The following L3MBTL3 variants were observed in gnomAD, a reference collection of about 807,000 sequenced individuals.
The protein encoded by L3MBTL3 is lethal(3)malignant brain tumor-like protein 3.
Under a neutral mutation model 102.3 loss-of-function variants are expected in L3MBTL3, and 27 were observed. That is an observed-to-expected ratio of 0.26 (90% CI 0.19 to 0.36). The LOEUF is 0.36. Ranked by LOEUF, L3MBTL3 falls within the 10% of genes least tolerant of loss-of-function variation. The probability of loss-of-function intolerance (pLI) is 1.00; values close to 1 mark genes in which losing one functional copy is unlikely to be tolerated. For missense variants in L3MBTL3, 798 were observed against 955.3 expected, an observed-to-expected ratio of 0.84 and a Z score of 2.17; for synonymous variants, 340 against 320.9, an observed-to-expected ratio of 1.06 and a Z score of -0.64.
At chr6:130,085,343 TTTCTGTTTTAAAGATATC>T (rs1215161729) in intron 15 of L3MBTL3, among the ~76,000 whole-genome samples, 7 of 152,142 alleles carry the variant, frequency 4.6e-5, no homozygotes. Context: ...GATTGCTAAT[TTTCTGTTTTAAAGATATC>T]TTCTGCTTTT....
chr6:130,133,952 C>T lies in L3MBTL3; in HGVS notation c.2199+47C>T. On this transcript the variant is annotated intron_variant, in intron 22 of 22. Transcript: ENST00000361794. The surrounding 1 kb of genome is among the most constrained non-coding windows in gnomAD (Gnocchi z 4.9). ...AATATGTTACTTAATGGGATCAAAGCACTGAAATGCAGTGGAAGGTGAAAT... is the reference window on the plus strand; with the variant it reads ...AATATGTTACTTAATGGGATCAAAGTACTGAAATGCAGTGGAAGGTGAAAT... 7.1e-7 allele frequency: 1 copy of T among 1,414,542 alleles called. No individual in the cohort carries two copies. The highest frequency in any genetic ancestry group is 1.0e-6 in the Non-Finnish European group (1 of 1,001,132). 87.6% of individuals were successfully genotyped at this position (1,414,542 alleles called of 1,614,324 possible).
chr6:130,024,770 T>A lies in L3MBTL3; in HGVS notation c.-16+2465T>A, dbSNP rs144327522. 5.1e-4 allele frequency among the ~76,000 whole-genome samples: 78 copies of A among 152,222 alleles called. No individual in the cohort carries two copies. The East Asian group carries it at 0.011, about 21-fold the overall frequency. On this transcript the variant is annotated intron_variant, in intron 2 of 22. Coordinates refer to ENST00000361794, the MANE Select transcript of L3MBTL3 (RefSeq NM_032438.4). ...AACACTTAAAAGACGAGATCCTTGC[T>A]CTTGAGGAGTTCTAGAGATCCTTAC...
chr6:130,137,196 A>G (rs1787779262), intron 22 of L3MBTL3, among the ~76,000 whole-genome samples: 1 of 152,216 alleles, frequency 6.6e-6, no homozygotes. Context: ...GAGTTAAGGC[A>G]TTGGAAAAGA....
chr6:130,091,380 A>C (rs938188771), intron 16 of L3MBTL3, among the ~76,000 whole-genome samples: 6 of 152,188 alleles, frequency 3.9e-5, no homozygotes, highest in Non-Finnish European at 7.3e-5. Flanking sequence ...AGTTGATATA[A>C]CTGGCAAAGT....
intron 16 of L3MBTL3, among the ~76,000 whole-genome samples, chr6:130,086,641 A>G (rs1348720860): frequency 6.6e-6 from 1 of 152,210 alleles, no homozygotes; most frequent in African/African-American, 2.4e-5. Flanking sequence ...CTATCTCAAT[A>G]TAGGCCAAGT....
At chr6:130,135,526 T>C (rs12526192) in intron 22 of L3MBTL3, among the ~76,000 whole-genome samples, 19,732 of 152,224 alleles carry the variant, frequency 0.13, 2,168 homozygotes, top group African/African-American at 0.29. Flanking sequence ...TATTCTGTTG[T>C]TATCTAGATA....
chr6:130,021,491 C>T (rs1196610694), intron 1 of L3MBTL3, among the ~76,000 whole-genome samples: 1 of 152,200 alleles, frequency 6.6e-6, no homozygotes, highest in Non-Finnish European at 1.5e-5. Flanking sequence ...TGATCGCTCC[C>T]TGAATTGGAA....
At chr6:130,023,472 T>C (rs1438083601) in intron 2 of L3MBTL3, among the ~76,000 whole-genome samples, 1 of 152,152 alleles carries the variant, frequency 6.6e-6, no homozygotes, top group Non-Finnish European at 1.5e-5. Context: ...ATGTGCTGAG[T>C]TGAAGACACT....
At chr6:130,085,121 G>A (rs989857812) in intron 15 of L3MBTL3, among the ~76,000 whole-genome samples, 6 of 152,056 alleles carry the variant, frequency 3.9e-5, no homozygotes, top group Admixed American at 6.5e-5. Context: ...GAGCCACCGC[G>A]TCCTGCCCAG....
chr6:130,131,223 CTA>C (rs60345187), intron 20 of L3MBTL3, among the ~76,000 whole-genome samples: 19,619 of 152,066 alleles, frequency 0.13, 2,126 homozygotes, highest in African/African-American at 0.29. Flanking sequence ...AAGAGCCTCT[CTA>C]TGTGGACAAT....
intron 2 of L3MBTL3, among the ~76,000 whole-genome samples, chr6:130,036,723 A>G (rs1780090562): frequency 6.6e-6 from 1 of 152,212 alleles, no homozygotes; most frequent in African/African-American, 2.4e-5. Context: ...GTTAGTAAGC[A>G]TGTACTTTGA....
intron 20 of L3MBTL3, among the ~76,000 whole-genome samples, chr6:130,130,279 A>G (rs543485941): frequency 1.6e-4 from 24 of 152,336 alleles, no homozygotes; most frequent in African/African-American, 5.5e-4. Context: ...AGAAAATAAA[A>G]TGGAAGAGTA....
At chr6:130,033,637 T>C (rs1562252166) in intron 2 of L3MBTL3, among the ~76,000 whole-genome samples, 1 of 152,246 alleles carries the variant, frequency 6.6e-6, no homozygotes, top group Admixed American at 6.5e-5. Flanking sequence ...AGGCCTGTTA[T>C]CTGAATGACA....
Position 130,066,383 on chromosome 6 carries a change from G to A in L3MBTL3, c.895G>A (p.Asp299Asn), listed in dbSNP as rs80129948. ...VCGYRIKLHF[D>N]GYSDCYDFWV... ...TGGATACCGGATAAAGCTTCACTTTGATGGGTATTCTGATTGCTATGACTT... is the reference window on the plus strand; with the variant it reads ...TGGATACCGGATAAAGCTTCACTTTAATGGGTATTCTGATTGCTATGACTT... The change falls in exon 11 of 23, where the codon GAT becomes AAT. Residue 299 changes from aspartate to asparagine, a missense_variant. Asp to Asn is a conservative substitution (Grantham distance 23). Coordinates refer to ENST00000361794, the MANE Select transcript of L3MBTL3 (RefSeq NM_032438.4). 6.2e-7 allele frequency: 1 copy of A among 1,606,934 alleles called. No homozygotes were observed. Among genetic ancestry groups the A allele is most frequent in the Non-Finnish European group, 8.5e-7 (1 of 1,176,868 alleles).
intron 2 of L3MBTL3, among the ~76,000 whole-genome samples, chr6:130,032,928 G>A (rs1463377336): frequency 2.0e-5 from 3 of 152,222 alleles, no homozygotes; most frequent in Non-Finnish European, 4.4e-5. Flanking sequence ...AGGAGGTTGA[G>A]GCTGCCGTGA....
At chr6:130,026,523 G>A (rs892020016) in intron 2 of L3MBTL3, among the ~76,000 whole-genome samples, 2 of 151,462 alleles carry the variant, frequency 1.3e-5, no homozygotes, top group Non-Finnish European at 1.5e-5. Context: ...ACTAAGATGA[G>A]CAATAATGAA....
Position 130,056,275 on chromosome 6 carries a change from G to C in L3MBTL3, c.667+1020G>C, listed in dbSNP as rs148704153. ...TTCCTCAGGCAGCATTTTATTTCCA[G>C]GAGGAAACCGGCCCTGAAGCCCTTC... On this transcript the variant is annotated intron_variant, in intron 8 of 22. Transcript: ENST00000361794. Among the ~76,000 whole-genome samples the C allele has an allele frequency of 3.4e-3, 512 of 152,142 alleles. 7 individuals are homozygous for C. The highest frequency in any genetic ancestry group is 0.012 in the African/African-American group (491 of 41,492).
Position 130,103,087 on chromosome 6 carries a change from A to G in L3MBTL3, c.1737-1339A>G, listed in dbSNP as rs535002056. Among the ~76,000 whole-genome samples the G allele has an allele frequency of 2.0e-5, 3 of 152,362 alleles. No homozygotes were observed. The East Asian group carries it at 5.8e-4, about 29-fold the overall frequency. On this transcript the variant is annotated intron_variant, in intron 18 of 22. Transcript: ENST00000361794. ...AGTTACTTAACTGTTGTAAGCTTTA[A>G]TTTGTTGCATGAAATGCTTTTTTCT...
At chr6:130,129,789 C>A (rs1562339617) in intron 20 of L3MBTL3, among the ~76,000 whole-genome samples, 1 of 152,150 alleles carries the variant, frequency 6.6e-6, no homozygotes, top group Non-Finnish European at 1.5e-5. Context: ...CCGAGGCATA[C>A]TGTGCACATT....
Sources: allele counts gnomAD v4.1 joint callset (sites outside exome capture counted in the v4.1 genomes callset), GRCh38; gene constraint gnomAD v4.1.1; non-coding constraint Gnocchi (gnomAD v3.1); transcripts MANE v1.5; gene names NCBI Gene and HGNC (gene_info 2026-07-23, HGNC 2026-07-21).